The following EPB41L3 variants were observed in gnomAD, a reference collection of about 807,000 sequenced individuals.
EPB41L3 encodes erythrocyte membrane protein band 4.1 like 3.
EPB41L3 carries 57 observed loss-of-function variants against 127.1 expected under a neutral mutation model. The ratio of observed to expected loss-of-function variants is 0.45; its 90% CI spans 0.36 to 0.56. The LOEUF (loss-of-function observed/expected upper bound fraction) is 0.56. Ranked by LOEUF, EPB41L3 falls within the 20% of genes least tolerant of loss-of-function variation. The pLI is 0.00. For synonymous variants in EPB41L3, 572 were observed against 549.5 expected, an observed-to-expected ratio of 1.04 and a Z score of -0.57; for missense variants, 1,273 against 1,372.2, an observed-to-expected ratio of 0.93 and a Z score of 1.14.
upstream of EPB41L3, chr18:5,544,371 C>T (rs2093840451): frequency 3.1e-6 from 3 of 965,194 alleles, no homozygotes; most frequent in South Asian, 9.6e-5. Context: ...GTGTTCCTGA[C>T]CTTCAGGTGA....
intron 2 of EPB41L3, among the ~76,000 whole-genome samples, chr18:5,488,025 T>G (rs1332178969): frequency 6.6e-6 from 1 of 152,172 alleles, no homozygotes; most frequent in Non-Finnish European, 1.5e-5. Flanking sequence ...CTAAAACATT[T>G]TGATTCCAAG....
intron 3 of EPB41L3, among the ~76,000 whole-genome samples, chr18:5,598,006 T>C (rs2094553511): frequency 6.6e-6 from 1 of 152,156 alleles, no homozygotes. Context: ...AGCAGTTCTG[T>C]CAAAGATGAA....
intron 1 of EPB41L3, among the ~76,000 whole-genome samples, chr18:5,516,588 T>C (rs2148746333): frequency 6.6e-6 from 1 of 152,362 alleles, no homozygotes; most frequent in South Asian, 2.1e-4. Context: ...GCATTTCCTT[T>C]TTCCACAGCC....
chr18:5,560,940 ATTATTTATTTAT>A (rs138212314), intron 3 of EPB41L3, among the ~76,000 whole-genome samples: 63,498 of 128,978 alleles, frequency 0.49, 17,758 homozygotes, highest in South Asian at 0.58. Flanking sequence ...CATAGTTGTA[ATTATTTATTTAT>A]TTATTTATTT....
intron 5 of EPB41L3, among the ~76,000 whole-genome samples, chr18:5,443,065 A>C (rs753834807): frequency 6.6e-6 from 1 of 152,180 alleles, no homozygotes; most frequent in Non-Finnish European, 1.5e-5. Context: ...TAATATAATG[A>C]AACTTCATTT....
chr18:5,539,962 A>C (rs1325048057), intron 1 of EPB41L3, among the ~76,000 whole-genome samples: 2 of 152,238 alleles, frequency 1.3e-5, no homozygotes, highest in African/African-American at 4.8e-5. Flanking sequence ...AACTGCAATC[A>C]CATCACTTAA....
At chr18:5,625,697 G>A (rs760615909) in intron 1 of EPB41L3, among the ~76,000 whole-genome samples, 1 of 152,170 alleles carries the variant, frequency 6.6e-6, no homozygotes, top group African/African-American at 2.4e-5. Context: ...TGTTGCCAGA[G>A]CAGCTCACCT....
intron 3 of EPB41L3, among the ~76,000 whole-genome samples, chr18:5,551,437 G>A (rs79983931): frequency 0.029 from 4,477 of 152,128 alleles, 157 homozygotes; most frequent in East Asian, 0.16. Flanking sequence ...AAAAACATCC[G>A]CTGAAGGCTG....
At chr18:5,472,746 C>T (rs954895208) in intron 3 of EPB41L3, among the ~76,000 whole-genome samples, 23 of 152,094 alleles carry the variant, frequency 1.5e-4, no homozygotes, top group Non-Finnish European at 2.4e-4. Flanking sequence ...TGGAAGGCTA[C>T]GATGTTGAAT....
At chr18:5,424,839 A>C (rs1347907930) in intron 9 of EPB41L3, among the ~76,000 whole-genome samples, 2 of 152,184 alleles carry the variant, frequency 1.3e-5, no homozygotes, top group African/African-American at 2.4e-5. Flanking sequence ...TTTCTTAGGT[A>C]GTTGATAACT....
chr18:5,452,782 TTGTG>T lies in EPB41L3; in HGVS notation c.382-7542_382-7539del, dbSNP rs72378439. ...AAAACCAGAAATGTTTAAAAATTTG[TTGTG>T]TGTGTGTGTGTGTGTGTGTTTTTAA... On this transcript the variant is annotated intron_variant, in intron 3 of 22. Coordinates refer to ENST00000341928, the MANE Select transcript of EPB41L3 (RefSeq NM_012307.5). Among the ~76,000 whole-genome samples the T allele has an allele frequency of 5.7e-3, 865 of 150,874 alleles. 11 individuals carry two copies. The highest frequency in any genetic ancestry group is 0.052 in the South Asian group (247 of 4,782).
chr18:5,486,364 A>G (rs11872840), intron 2 of EPB41L3, among the ~76,000 whole-genome samples: 5,884 of 152,170 alleles, frequency 0.039, 275 homozygotes, highest in East Asian at 0.15. Flanking sequence ...AAAATGTAAG[A>G]CCTGTAACTA....
Position 5,419,789 on chromosome 18 carries a change from C to T in EPB41L3, c.1428G>A (p.Glu476=), listed in dbSNP as rs772407788. The T allele has an allele frequency of 1.2e-6, 2 of 1,614,114 alleles. No individual in the cohort carries two copies. The highest frequency in any genetic ancestry group is 1.7e-5 in the Admixed American group (1 of 60,010). The part of the protein sequence containing the change: ...TTVTPEKKAE[E]ERDEEEDKRR... ...GTTTGTCCTCTTCCTCGTCCCGCTC[C>T]TCCTCAGCCTTCTTCTCCGGAGTCA... Residue 476 remains glutamate (E), a synonymous_variant, in exon 12 of 23, where the codon GAG becomes GAA. Transcript: ENST00000341928.
chr18:5,596,706 T>C (rs2094539998), intron 3 of EPB41L3, among the ~76,000 whole-genome samples: 1 of 152,194 alleles, frequency 6.6e-6, no homozygotes, highest in Non-Finnish European at 1.5e-5. Flanking sequence ...CTCTAAATGA[T>C]AAATATCCTG....
chr18:5,556,908 G>A lies in EPB41L3; in HGVS notation c.-306+55432C>T, dbSNP rs142192809. Among the ~76,000 whole-genome samples, 29 of 152,312 alleles carry A rather than the reference G, an allele frequency of 1.9e-4. 1 individual carries two copies. The East Asian group carries it at 5.6e-3, about 29-fold the overall frequency. On this transcript the variant is annotated intron_variant, in intron 3 of 21. Transcript: ENST00000545076. ...AGTAAGCTCTCAATGCCATATAATGGTGTGTCACGGTGATGACGGGGGCTC... is the reference window on the plus strand; with the variant it reads ...AGTAAGCTCTCAATGCCATATAATGATGTGTCACGGTGATGACGGGGGCTC...
chr18:5,591,433 G>A (rs2094485104), intron 3 of EPB41L3, among the ~76,000 whole-genome samples: 1 of 152,134 alleles, frequency 6.6e-6, no homozygotes, highest in Non-Finnish European at 1.5e-5. Flanking sequence ...AGGGGTGAGG[G>A]GGTTCCCTTG....
intron 2 of EPB41L3, among the ~76,000 whole-genome samples, chr18:5,482,763 T>C (rs1451894804): frequency 6.6e-6 from 1 of 152,114 alleles, no homozygotes; most frequent in Admixed American, 6.6e-5. Flanking sequence ...AACAAAATTA[T>C]CATTCAAATA....
intron 1 of EPB41L3, among the ~76,000 whole-genome samples, chr18:5,499,651 C>T (rs1190064153): frequency 6.6e-6 from 1 of 151,680 alleles, no homozygotes; most frequent in Non-Finnish European, 1.5e-5. Flanking sequence ...CCTGTAGTCC[C>T]AGCTACTTGG....
chr18:5,543,767 C>A lies in EPB41L3; in HGVS notation c.-12+146G>T, dbSNP rs2093819570. The A allele has an allele frequency of 1.7e-5, 11 of 634,940 alleles. No individual in the cohort carries two copies. The highest frequency in any genetic ancestry group is 2.2e-5 in the Non-Finnish European group (11 of 511,066). 39.3% of individuals were successfully genotyped at this position (634,940 alleles called of 1,614,324 possible). A position where few individuals can be genotyped will look rare whatever the true frequency, so the allele number is the denominator to read the frequency against. ...CCCCGGCCGCGCCGGGCGCGGGGCT[C>A]GGGATTCGGGAGACCGCGCGGCGCC... On this transcript the variant is annotated intron_variant, in intron 1 of 22. Coordinates refer to ENST00000341928, the MANE Select transcript of EPB41L3 (RefSeq NM_012307.5). This position sits in a 1 kb window ranked among gnomAD's most constrained non-coding sequence, Gnocchi z 5.2.
Sources: gnomAD v4.1 joint callset for allele counts (sites outside exome capture counted in the v4.1 genomes callset) on GRCh38, gnomAD v4.1.1 for gene constraint, Gnocchi (gnomAD v3.1) non-coding constraint, MANE v1.5 for transcripts, NCBI Gene and HGNC (gene_info 2026-07-23, HGNC 2026-07-21) for gene names.